RNF144A: variants seen among roughly 807,000 people sequenced by gnomAD.
RNF144A encodes the protein E3 ubiquitin-protein ligase RNF144A.
A neutral mutation model predicts 38.7 loss-of-function variants in RNF144A; 11 were observed. That is an observed-to-expected ratio of 0.28 (90% confidence interval 0.18 to 0.47). The LOEUF (loss-of-function observed/expected upper bound fraction) is 0.47. Ranked by LOEUF, RNF144A falls within the 20% of genes least tolerant of loss-of-function variation. The pLI is 0.99. For missense variants in RNF144A, 316 were observed against 377.2 expected (o/e 0.84, Z 1.34); for synonymous variants, 149 against 143.9 (o/e 1.04, Z -0.25).
intron 6 of RNF144A, among the ~76,000 whole-genome samples, chr2:7,053,152 C>T (rs544233958): frequency 1.8e-4 from 27 of 152,220 alleles, no homozygotes; most frequent in South Asian, 6.2e-4. Context: ...TGGAAGGAAT[C>T]GCAATAGGCA....
intron 3 of RNF144A, among the ~76,000 whole-genome samples, chr2:7,004,160 G>A (rs761381179): frequency 5.9e-5 from 9 of 152,310 alleles, no homozygotes; most frequent in Admixed American, 3.3e-4. Flanking sequence ...TTCTTCCTGC[G>A]GCCTGTGTGG....
At chr2:6,972,658 A>G (rs571706455) in intron 2 of RNF144A, among the ~76,000 whole-genome samples, 1 of 152,126 alleles carries the variant, frequency 6.6e-6, no homozygotes, top group Non-Finnish European at 1.5e-5. Flanking sequence ...GCAGGACCAT[A>G]GCTAACAAGG....
intron 2 of RNF144A, among the ~76,000 whole-genome samples, chr2:6,965,626 A>G (rs997008908): frequency 6.6e-6 from 1 of 152,184 alleles, no homozygotes; most frequent in African/African-American, 2.4e-5. Flanking sequence ...GTGGTGGCGC[A>G]GAGCTTCGGG....
At chr2:6,975,479 C>G (rs1022429719) in intron 2 of RNF144A, among the ~76,000 whole-genome samples, 1 of 152,228 alleles carries the variant, frequency 6.6e-6, no homozygotes. Flanking sequence ...TGCTCATTCT[C>G]TCCACTGCCC....
intron 3 of RNF144A, among the ~76,000 whole-genome samples, chr2:6,997,330 T>C (rs1247160423): frequency 6.6e-6 from 1 of 152,214 alleles, no homozygotes; most frequent in East Asian, 1.9e-4. Flanking sequence ...ACGAAACTTA[T>C]CATAGCGCAT....
rs78947069 is a variant in RNF144A at position 6,964,788 on chromosome 2, G to A, written c.-12+23641G>A. 2.6e-5 allele frequency among the ~76,000 whole-genome samples: 4 copies of A among 151,776 alleles called. No individual in the cohort carries two copies. In the East Asian group the frequency reaches 7.8e-4, roughly 29 times the overall value. ...TGAAAAATGAGAACACATGGACACA[G>A]GAAGGGGAACATCACACTCTGGGGA... is the stretch of plus-strand genomic sequence containing the variant. On this transcript the variant is annotated intron_variant, in intron 2 of 8. Coordinates refer to ENST00000320892, the MANE Select transcript of RNF144A (RefSeq NM_014746.6).
chr2:7,053,641 G>A lies in RNF144A; in HGVS notation c.735-14575G>A, dbSNP rs1476051370. 2.6e-5 allele frequency among the ~76,000 whole-genome samples: 4 copies of A among 152,204 alleles called. No individual in the cohort carries two copies. In the East Asian group the frequency reaches 7.7e-4, roughly 29 times the overall value. On this transcript the variant is annotated intron_variant, in intron 6 of 6. Transcript: ENST00000432850. Reference sequence around the variant, plus strand: ...ACATGGATGCTTATTCATCAAATCAGCAAAGAAAATTTATTTCTAGTGTAT... The same window carrying A: ...ACATGGATGCTTATTCATCAAATCAACAAAGAAAATTTATTTCTAGTGTAT...
At chr2:6,952,308 T>G (rs1228253135) in intron 2 of RNF144A, among the ~76,000 whole-genome samples, 1 of 152,024 alleles carries the variant, frequency 6.6e-6, no homozygotes, top group Non-Finnish European at 1.5e-5. Context: ...TATTTTGTTT[T>G]AAATTTTTGC....
chr2:7,051,997 A>G (rs146360460), intron 6 of RNF144A, among the ~76,000 whole-genome samples: 1 of 152,212 alleles, frequency 6.6e-6, no homozygotes, highest in East Asian at 1.9e-4. Flanking sequence ...TCTCACTCAT[A>G]TTACTCCTCC....
At chr2:7,010,741 C>T (rs1232108685) in intron 3 of RNF144A, among the ~76,000 whole-genome samples, 1 of 152,132 alleles carries the variant, frequency 6.6e-6, no homozygotes, top group Non-Finnish European at 1.5e-5. Context: ...TCCTGCAATG[C>T]CTTTGACCCT....
intron 7 of RNF144A, among the ~76,000 whole-genome samples, chr2:7,026,185 G>T (rs1158188996): frequency 1.3e-5 from 2 of 152,160 alleles, no homozygotes. Context: ...GGAATATAAA[G>T]GCTACCTTTA....
chr2:7,061,141 G>A (rs889124764), intron 6 of RNF144A, among the ~76,000 whole-genome samples: 4 of 152,178 alleles, frequency 2.6e-5, no homozygotes, highest in Admixed American at 2.6e-4. Context: ...ATATAAAAAA[G>A]CTGCTATGAT....
chr2:6,950,420 T>G (rs1296199646), intron 2 of RNF144A, among the ~76,000 whole-genome samples: 1 of 152,250 alleles, frequency 6.6e-6, no homozygotes, highest in Non-Finnish European at 1.5e-5. Flanking sequence ...GTCGATTTCT[T>G]CATGCATTCT....
rs1572276762 is a variant in RNF144A, at chr2:6,962,473, G to T, written c.-12+21326G>T. On this transcript the variant is annotated intron_variant, in intron 2 of 8. Coordinates refer to ENST00000320892, the MANE Select transcript of RNF144A (RefSeq NM_014746.6). The surrounding 1 kb of genome is among the most constrained non-coding windows in gnomAD (Gnocchi z 4.1). The stretch of plus-strand genomic sequence containing the variant: ...TTTGTTACAAGAGAAATGATTTTGG[G>T]AGGTTGCTTTTTGTTAGAAGGGAAG... Among the ~76,000 whole-genome samples, 1 of 152,144 alleles carries T rather than the reference G, an allele frequency of 6.6e-6. No individual in the cohort carries two copies. The highest frequency in any genetic ancestry group is 2.4e-5 in the African/African-American group (1 of 41,424).
intron 2 of RNF144A, among the ~76,000 whole-genome samples, chr2:6,971,930 T>A (rs1668021846): frequency 2.0e-5 from 3 of 152,218 alleles, no homozygotes; most frequent in Admixed American, 2.0e-4. Context: ...GTTTCCTTTC[T>A]AGTCTTTTCT....
chr2:6,933,408 G>C (rs1665335222), intron 1 of RNF144A, among the ~76,000 whole-genome samples: 1 of 152,218 alleles, frequency 6.6e-6, no homozygotes, highest in Admixed American at 6.5e-5. Flanking sequence ...ATTTGCTTCA[G>C]GGAGGCTGCA....
chr2:7,069,831 C>A (rs925281765), downstream of RNF144A, among the ~76,000 whole-genome samples: 4 of 152,180 alleles, frequency 2.6e-5, 1 homozygote, highest in South Asian at 8.3e-4. Flanking sequence ...TATCTTAACA[C>A]CCTAGAGATT....
At chr2:7,076,245 A>G in the RNF144A span, among the ~76,000 whole-genome samples, 17 of 152,322 alleles carry the variant, frequency 1.1e-4, no homozygotes, top group East Asian at 3.3e-3. Flanking sequence ...CATTGTCAAT[A>G]TAATTGATTT....
intron 3 of RNF144A, among the ~76,000 whole-genome samples, chr2:7,003,871 C>T (rs568210242): frequency 3.1e-4 from 47 of 152,322 alleles, no homozygotes; most frequent in African/African-American, 9.6e-4. Flanking sequence ...CTTTTCTGCA[C>T]GCTTTGTTTC....
Sources: gnomAD v4.1 joint callset for allele counts (sites outside exome capture counted in the v4.1 genomes callset) on GRCh38, gnomAD v4.1.1 for gene constraint, Gnocchi (gnomAD v3.1) non-coding constraint, MANE v1.5 for transcripts, NCBI Gene and HGNC (gene_info 2026-07-23, HGNC 2026-07-21) for gene names.